The following RALB variants were observed in gnomAD, a reference collection of about 807,000 sequenced individuals.
RALB encodes RAS like proto-oncogene B.
Under a neutral mutation model 21.3 loss-of-function variants are expected in RALB, and 16 were observed. The observed-to-expected ratio is 0.75, with a 90% CI of 0.51 to 1.14. The LOEUF is 1.14. Among genes scored for constraint, RALB ranks in the 50% most tolerant of loss-of-function variants. The pLI is 0.00. For missense variants in RALB, 161 were observed against 256.2 expected, an observed-to-expected ratio of 0.63 and a Z score of 2.54; for synonymous variants, 93 against 96.1, an observed-to-expected ratio of 0.97 and a Z score of 0.19.
intron 1 of RALB, among the ~76,000 whole-genome samples, chr2:120,276,202 A>G (rs758320272): frequency 7.2e-5 from 11 of 152,260 alleles, no homozygotes; most frequent in Admixed American, 2.6e-4. Context: ...AGCCGCTGGC[A>G]TGCAGCTGTG....
intron 1 of RALB, among the ~76,000 whole-genome samples, chr2:120,260,708 G>A (rs1431381763): frequency 2.6e-5 from 4 of 152,256 alleles, no homozygotes; most frequent in Non-Finnish European, 5.9e-5. Flanking sequence ...GGAGGGGGAC[G>A]CTGGAAGGGG....
At chr2:120,281,641 G>T (rs192652247) in intron 2 of RALB, among the ~76,000 whole-genome samples, 8 of 152,246 alleles carry the variant, frequency 5.3e-5, no homozygotes, top group Admixed American at 5.2e-4. Context: ...ATTCTGGGGG[G>T]TCAAACTGGA....
At chr2:120,281,820 G>A (rs559011507) in intron 2 of RALB, among the ~76,000 whole-genome samples, 1 of 152,138 alleles carries the variant, frequency 6.6e-6, no homozygotes, top group Admixed American at 6.5e-5. Context: ...GGAAGAGAGG[G>A]GGTGGTGAGT....
chr2:120,244,763 A>C (rs915462366), intron 1 of RALB, among the ~76,000 whole-genome samples: 7 of 152,198 alleles, frequency 4.6e-5, no homozygotes, highest in Admixed American at 1.3e-4. Flanking sequence ...GAATTCACAG[A>C]TATGACCTCT....
At chr2:120,249,647 G>C (rs895323996), upstream of RALB, among the ~76,000 whole-genome samples, 4 of 152,252 alleles carry the variant, frequency 2.6e-5, no homozygotes, top group Middle Eastern at 3.4e-3. Flanking sequence ...CCATTCATGA[G>C]GGATCTGTCC....
intron 1 of RALB, among the ~76,000 whole-genome samples, chr2:120,265,256 G>T (rs1215939912): frequency 6.6e-6 from 1 of 152,176 alleles, no homozygotes; most frequent in Non-Finnish European, 1.5e-5. Flanking sequence ...TTGCTCATGG[G>T]CTGCAAATCT....
At chr2:120,278,867 A>G (rs1689913937) in intron 2 of RALB, 89 bp downstream of exon 2, 1 of 1,248,734 alleles carries the variant, frequency 8.0e-7, no homozygotes, top group Non-Finnish European at 1.1e-6. Context: ...GTCCTCCCGT[A>G]CACAGGGGTT....
chr2:120,281,006 T>A, intron 2 of RALB: 1 of 316,742 alleles, frequency 3.2e-6, no homozygotes, highest in Admixed American at 4.8e-5. Context: ...TGTATAATAA[T>A]CACAAAGTTA....
chr2:120,263,096 A>G (rs1240946309), intron 1 of RALB, among the ~76,000 whole-genome samples: 1 of 152,226 alleles, frequency 6.6e-6, no homozygotes, highest in Non-Finnish European at 1.5e-5. Flanking sequence ...ATGGACTGGC[A>G]GCTTTTCCTA....
chr2:120,255,799 AGTT>A (rs1396938058), intron 1 of RALB, among the ~76,000 whole-genome samples: 6 of 152,186 alleles, frequency 3.9e-5, no homozygotes, highest in African/African-American at 1.4e-4. Context: ...GATGGTGGCT[AGTT>A]GTTTTTTAGT....
chr2:120,280,708 TA>T (rs940325305), intron 2 of RALB: 5 of 218,266 alleles, frequency 2.3e-5, no homozygotes, highest in Admixed American at 7.6e-5. Flanking sequence ...GAACTTAAAG[TA>T]AAAAGAAAAA....
At chr2:120,243,856 G>A (rs1296011293) in intron 1 of RALB, among the ~76,000 whole-genome samples, 1 of 152,118 alleles carries the variant, frequency 6.6e-6, no homozygotes, top group Non-Finnish European at 1.5e-5. Flanking sequence ...AGGGGCAGTG[G>A]ATGATGCTCT....
chr2:120,252,630 G>A (rs1177903875), upstream of RALB: 1 of 231,682 alleles, frequency 4.3e-6, no homozygotes, highest in Non-Finnish European at 7.1e-6. Flanking sequence ...GAAACAGAGG[G>A]GGACGGGGCA....
At chr2:120,247,821 T>C (rs114953138), upstream of RALB, among the ~76,000 whole-genome samples, 81 of 152,350 alleles carry the variant, frequency 5.3e-4, no homozygotes, top group African/African-American at 1.9e-3. Context: ...CTGAGCTTTT[T>C]TTGGATGAGG....
intron 1 of RALB, among the ~76,000 whole-genome samples, chr2:120,272,010 G>A (rs13386533): frequency 0.7 from 105,695 of 152,060 alleles, 37,326 homozygotes; most frequent in Middle Eastern, 0.8. Flanking sequence ...AACTCAGGCT[G>A]CCATAACAAA....
At chr2:120,292,645 G>T (rs1690331986) in intron 4 of RALB, among the ~76,000 whole-genome samples, 1 of 152,178 alleles carries the variant, frequency 6.6e-6, no homozygotes, top group African/African-American at 2.4e-5. Flanking sequence ...CTTATTGTAA[G>T]ATTTTATCAT....
At chr2:120,285,270 G>A (rs183469653) in intron 2 of RALB, among the ~76,000 whole-genome samples, 12,157 of 152,106 alleles carry the variant, frequency 0.08, 648 homozygotes, top group Non-Finnish European at 0.12. Flanking sequence ...TAGGGGTACC[G>A]CCCCCATGAT....
chr2:120,280,497 C>T (rs1429262665), intron 2 of RALB, among the ~76,000 whole-genome samples: 1 of 121,748 alleles, frequency 8.2e-6, no homozygotes, highest in East Asian at 2.5e-4. Context: ...GGGAGTTGAA[C>T]AATGAGAACG....
At chr2:120,247,834 T>C (rs1688996054), upstream of RALB, among the ~76,000 whole-genome samples, 1 of 152,166 alleles carries the variant, frequency 6.6e-6, no homozygotes, top group Non-Finnish European at 1.5e-5. Flanking sequence ...GGATGAGGGG[T>C]AGATCCCTCC....
Sources: gnomAD v4.1 joint callset for allele counts (sites outside exome capture counted in the v4.1 genomes callset) on GRCh38, gnomAD v4.1.1 for gene constraint, MANE v1.5 for transcripts, NCBI Gene and HGNC (gene_info 2026-07-23, HGNC 2026-07-21) for gene names.